IL17B: variants seen among roughly 807,000 people sequenced by gnomAD.
IL17B encodes the protein interleukin-17B.
A neutral mutation model predicts 14.7 loss-of-function variants in IL17B; 14 were observed. That is an observed-to-expected ratio of 0.95 (90% CI 0.63 to 1.49). The LOEUF (loss-of-function observed/expected upper bound fraction) is 1.49, where lower values mean the gene tolerates loss of function less well. Ranked by LOEUF, IL17B falls within the 40% of genes most tolerant of loss-of-function variation. The pLI is 0.00. For missense variants in IL17B, 233 were observed against 252.8 expected, an observed-to-expected ratio of 0.92 and a Z score of 0.53; for synonymous variants, 105 against 94.8, an observed-to-expected ratio of 1.11 and a Z score of -0.62.
At position 149,376,860 on chromosome 5, in the gene IL17B, C is replaced by G; in HGVS notation, c.187G>C (p.Glu63Gln). Reference sequence around the variant, plus strand: ...GCCACCATCTCCTCGATGTTCCTCTCATACTCCTCCATGCGGGCATACGGT... The same window carrying G: ...GCCACCATCTCCTCGATGTTCCTCTGATACTCCTCCATGCGGGCATACGGT... ...MKPYARMEEY[E>Q]RNIEEMVAQL... The change falls in exon 2 of 3, where the codon GAG (glutamate) becomes CAG (glutamine). Residue 63 changes from glutamate (E) to glutamine (Q), a missense_variant. Transcript: ENST00000261796. 1 of 1,614,148 alleles carries G rather than the reference C, an allele frequency of 6.2e-7. No homozygotes were observed. Among genetic ancestry groups the G allele is most frequent in the Non-Finnish European group, 8.5e-7 (1 of 1,180,018 alleles).
intron 1 of IL17B, among the ~76,000 whole-genome samples, chr5:149,402,688 TTAA>T (rs1561720404): frequency 3.4e-5 from 4 of 118,422 alleles, no homozygotes; most frequent in Non-Finnish European, 5.3e-5. Flanking sequence ...TACCATGCTT[TTAA>T]AAAAAAAAAA....
At chr5:149,384,610 C>T (rs1236583705) in intron 1 of IL17B, among the ~76,000 whole-genome samples, 1 of 152,178 alleles carries the variant, frequency 6.6e-6, no homozygotes, top group Non-Finnish European at 1.5e-5. Flanking sequence ...AGCCTATGTC[C>T]TTGAAAGAGA....
Position 149,379,246 on chromosome 5 carries a change from G to T in IL17B, c.-21C>A, listed in dbSNP as rs2127617967. 1.2e-6 allele frequency: 2 copies of T among 1,613,756 alleles called. No homozygotes were observed. The highest frequency in any genetic ancestry group is 2.7e-5 in the African/African-American group (2 of 75,070). On this transcript the variant is annotated 5_prime_UTR_variant, in exon 1 of 3. It adds an upstream start codon to the 5' untranslated region. Transcript: ENST00000261796. ...TCCATTCCGCCAAGCTGCAAGGTCA[G>T]CCTGCAGCTGCTGCCCGCCTGGAAC...
chr5:149,374,275 A>G lies in IL17B; in HGVS notation c.*94T>C, dbSNP rs1468124139. The G allele has an allele frequency of 3.3e-5, 42 of 1,282,190 alleles. No homozygotes were observed. The Middle Eastern group carries it at 5.8e-4, about 18-fold the overall frequency. 79.4% of individuals were successfully genotyped at this position (1,282,190 alleles called of 1,614,324 possible). A position where few individuals can be genotyped will look rare whatever the true frequency, so the allele number is the denominator to read the frequency against. On this transcript the variant is annotated 3_prime_UTR_variant, in exon 3 of 3. Coordinates refer to ENST00000261796, the MANE Select transcript of IL17B (RefSeq NM_014443.3). This position sits in a 1 kb window ranked among gnomAD's most constrained non-coding sequence, Gnocchi z 5.0. ...AAAGCAAACCCAAAGTCTTGCTTTC[A>G]AAAGTCAGTGTTTACTTTTCATAGG...
chr5:149,374,670 C>T lies in IL17B; in HGVS notation c.312-70G>A. The T allele has an allele frequency of 8.5e-7, 1 of 1,181,758 alleles. No individual in the cohort carries two copies. Among genetic ancestry groups the T allele is most frequent in the South Asian group, 1.4e-5 (1 of 71,240 alleles). The allele number at this position is 1,181,758 out of a possible 1,614,324, so 73.2% of individuals were successfully genotyped here. A position where few individuals can be genotyped will look rare whatever the true frequency, so the allele number is the denominator to read the frequency against. On this transcript the variant is annotated intron_variant, in intron 2 of 2. Transcript: ENST00000261796. The surrounding 1 kb of genome is among the most constrained non-coding windows in gnomAD (Gnocchi z 5.0). ...AGGGCCAGTCAGCACCCATACTCCA[C>T]ACCCCTGCCTTTCCTAATCAGAGTT...
At chr5:149,399,288 G>A (rs2127623020) in intron 1 of IL17B, among the ~76,000 whole-genome samples, 1 of 152,280 alleles carries the variant, frequency 6.6e-6, no homozygotes, top group East Asian at 1.9e-4. Flanking sequence ...AGGGATCTCA[G>A]CCACACAGCA....
At chr5:149,393,358 C>T (rs1222690361) in intron 1 of IL17B, among the ~76,000 whole-genome samples, 2 of 152,030 alleles carry the variant, frequency 1.3e-5, no homozygotes, top group Non-Finnish European at 2.9e-5. Flanking sequence ...TGGCTCCGTA[C>T]AAATTAGCAA....
chr5:149,394,999 AC>A (rs1364879469), intron 1 of IL17B, among the ~76,000 whole-genome samples: 1 of 152,200 alleles, frequency 6.6e-6, no homozygotes, highest in East Asian at 1.9e-4. Context: ...CCTGATAGAT[AC>A]ATTTTTTTAT....
chr5:149,394,011 G>A lies in IL17B; in HGVS notation n.95+10097C>T, dbSNP rs527512046. 1.2e-3 allele frequency among the ~76,000 whole-genome samples: 179 copies of A among 152,174 alleles called. 1 individual carries two copies. Among genetic ancestry groups the A allele is most frequent in the African/African-American group, 3.9e-3 (163 of 41,512 alleles). Reference sequence around the variant, plus strand: ...TTCTGAAAAAATCATTTTAAAATTCGTTAAAAGACATTTATTTATAGATTT... The same window carrying A: ...TTCTGAAAAAATCATTTTAAAATTCATTAAAAGACATTTATTTATAGATTT... On this transcript the variant is annotated intron_variant and non_coding_transcript_variant, in intron 1 of 2. Coordinates refer to the IL17B transcript ENST00000505432.
chr5:149,397,411 C>T (rs1002835704), intron 1 of IL17B, among the ~76,000 whole-genome samples: 1 of 152,190 alleles, frequency 6.6e-6, no homozygotes, highest in Admixed American at 6.5e-5. Context: ...TCAGGTGATC[C>T]ACCCGCCTTG....
At chr5:149,397,678 G>A (rs1022051373) in intron 1 of IL17B, among the ~76,000 whole-genome samples, 3 of 152,208 alleles carry the variant, frequency 2.0e-5, no homozygotes, top group Non-Finnish European at 2.9e-5. Context: ...GTAGATATAT[G>A]AGAGATTTAT....
chr5:149,379,117 G>A (rs1758619462), intron 1 of IL17B, 88 bp downstream of exon 1: 3 of 1,515,316 alleles, frequency 2.0e-6, no homozygotes, highest in Non-Finnish European at 1.8e-6. Flanking sequence ...AAACCAAACA[G>A]AGGCAGCCAT....
chr5:149,385,669 G>A (rs1268114048), intron 1 of IL17B, among the ~76,000 whole-genome samples: 1 of 152,230 alleles, frequency 6.6e-6, no homozygotes, highest in Non-Finnish European at 1.5e-5. Context: ...CCTCAGTCCC[G>A]GGGGATGTTT....
intron 1 of IL17B, among the ~76,000 whole-genome samples, chr5:149,392,144 T>G (rs538228375): frequency 6.6e-6 from 1 of 152,340 alleles, no homozygotes; most frequent in African/African-American, 2.4e-5. Flanking sequence ...AGGACTTTGA[T>G]CCAACAATCG....
intron 1 of IL17B, among the ~76,000 whole-genome samples, chr5:149,401,804 G>A (rs1283934896): frequency 6.6e-6 from 1 of 152,100 alleles, no homozygotes; most frequent in South Asian, 2.1e-4. Flanking sequence ...AATGCTCAAT[G>A]AAAATCAAGA....
rs141796519 is a variant in IL17B at position 149,376,050 on chromosome 5, G to GA, written c.311+685dup. Among the ~76,000 whole-genome samples, 1,159 of 152,270 alleles carry GA rather than the reference G, an allele frequency of 7.6e-3. 13 individuals are homozygous for GA. The highest frequency in any genetic ancestry group is 0.026 in the African/African-American group (1,095 of 41,538). On this transcript the variant is annotated intron_variant, in intron 2 of 2. Transcript: ENST00000261796. ...GTCTCAGGGTATATGTCATGTGGCT[G>GA]AAAAATCTCTGGCCTGGGTTTGTGA...
upstream of IL17B, among the ~76,000 whole-genome samples, chr5:149,382,531 G>A (rs1361406497): frequency 6.6e-6 from 1 of 152,266 alleles, no homozygotes; most frequent in Non-Finnish European, 1.5e-5. Flanking sequence ...AACACTGGGT[G>A]AGGTCCTAGT....
chr5:149,380,137 A>G (rs1758653493), upstream of IL17B, among the ~76,000 whole-genome samples: 1 of 152,036 alleles, frequency 6.6e-6, no homozygotes, highest in African/African-American at 2.4e-5. Context: ...CCTCCTCCAT[A>G]AAATGGTGGG....
intron 1 of IL17B, among the ~76,000 whole-genome samples, chr5:149,403,286 G>A (rs1242986580): frequency 1.3e-5 from 2 of 151,774 alleles, no homozygotes; most frequent in Non-Finnish European, 2.9e-5. Flanking sequence ...GGGTTTCACC[G>A]TGTTGCCCAG....
Sources: allele counts gnomAD v4.1 joint callset (sites outside exome capture counted in the v4.1 genomes callset), GRCh38; gene constraint gnomAD v4.1.1; non-coding constraint Gnocchi (gnomAD v3.1); transcripts MANE v1.5; gene names NCBI Gene and HGNC (gene_info 2026-07-23, HGNC 2026-07-21).